The following ZFAND3 variants were observed in gnomAD, a reference collection of about 807,000 sequenced individuals.
The protein encoded by ZFAND3 is zinc finger AN1-type containing 3, also known as AN1-type zinc finger protein 3.
ZFAND3 carries 10 observed loss-of-function variants against 29.6 expected under a neutral mutation model. The ratio of observed to expected loss-of-function variants is 0.34; its 90% CI spans 0.21 to 0.57. ZFAND3 has a LOEUF of 0.57. Among genes scored for constraint, ZFAND3 ranks in the 20% least tolerant of loss-of-function variants. ZFAND3 has a pLI of 0.86. For synonymous variants in ZFAND3, 128 were observed against 112.6 expected (o/e 1.14, Z -0.87); for missense variants, 230 against 304.5 (o/e 0.76, Z 1.82).
intron 3 of ZFAND3, among the ~76,000 whole-genome samples, chr6:38,070,413 T>TAA (rs377285632): frequency 6.7e-4 from 73 of 109,020 alleles, no homozygotes; most frequent in African/African-American, 2.0e-3. Flanking sequence ...AAACTTAGTC[T>TAA]AAAAAAAAAA....
Position 37,819,830 on chromosome 6 carries a change from T to TGC in ZFAND3, c.-116_-115insGC. 6.0e-5 allele frequency: 31 copies of TGC among 519,842 alleles called. No individual in the cohort carries two copies. The highest frequency in any genetic ancestry group is 7.5e-5 in the Non-Finnish European group (29 of 385,686). The allele number at this position is 519,842 out of a possible 1,614,324, so 32.2% of individuals were successfully genotyped here. A position where few individuals can be genotyped will look rare whatever the true frequency, so the allele number is the denominator to read the frequency against. On this transcript the variant is annotated 5_prime_UTR_variant, in exon 1 of 6. Transcript: ENST00000287218. ...CGCGCCCGCCCGCGCGCCCGCTCCTTCCCCCTCCCCCCGCCCCGAGCCCCC... is the reference window on the plus strand; with the variant it reads ...CGCGCCCGCCCGCGCGCCCGCTCCTTGCCCCCCTCCCCCCGCCCCGAGCCCCC...
At chr6:37,911,769 A>G (rs1765525271) in intron 1 of ZFAND3, among the ~76,000 whole-genome samples, 1 of 152,228 alleles carries the variant, frequency 6.6e-6, no homozygotes, top group African/African-American at 2.4e-5. Context: ...TTAGACATTC[A>G]GTTCAACAGG....
At chr6:37,949,637 G>A (rs1761963206) in intron 2 of ZFAND3, among the ~76,000 whole-genome samples, 1 of 152,128 alleles carries the variant, frequency 6.6e-6, no homozygotes, top group African/African-American at 2.4e-5. Context: ...CTTTGGGTTC[G>A]ATTAATTTGT....
chr6:37,888,282 GC>G (rs1054653775), intron 1 of ZFAND3, among the ~76,000 whole-genome samples: 3 of 152,112 alleles, frequency 2.0e-5, no homozygotes, highest in Admixed American at 6.5e-5. Context: ...AACCAGACTT[GC>G]AAGTTTGAAT....
chr6:37,819,730 C>T lies in ZFAND3; in HGVS notation c.-216C>T, dbSNP rs1302529918. ...TCTCTCCGCGCCTCTCCGCCCCCTC[C>T]CCGTCTCCGCAGGCCGAGTGGTGCG... On this transcript the variant is annotated 5_prime_UTR_variant, in exon 1 of 6. Coordinates refer to ENST00000287218, the MANE Select transcript of ZFAND3 (RefSeq NM_021943.3). 5.4e-5 allele frequency: 11 copies of T among 204,766 alleles called. No homozygotes were observed. In the East Asian group the frequency reaches 1.4e-3, roughly 27 times the overall value. The allele number at this position is 204,766 out of a possible 1,614,324, so 12.7% of individuals were successfully genotyped here.
chr6:37,897,232 G>T (rs950569257), intron 1 of ZFAND3, among the ~76,000 whole-genome samples: 2 of 152,078 alleles, frequency 1.3e-5, no homozygotes, highest in Admixed American at 1.3e-4. Context: ...CTATTATTTT[G>T]ATCTCTATCA....
intron 2 of ZFAND3, among the ~76,000 whole-genome samples, chr6:37,987,923 A>C (rs1308425983): frequency 1.1e-4 from 16 of 152,180 alleles, no homozygotes; most frequent in Admixed American, 9.2e-4. Context: ...GCTCTTTTGA[A>C]TAGATTTAGT....
intron 5 of ZFAND3, among the ~76,000 whole-genome samples, chr6:38,129,245 T>G (rs944249375): frequency 1.3e-5 from 2 of 152,228 alleles, no homozygotes; most frequent in Non-Finnish European, 2.9e-5. Context: ...GATGTATAGA[T>G]TGTAAAGATT....
At chr6:38,092,109 G>A (rs1388272591) in intron 4 of ZFAND3, among the ~76,000 whole-genome samples, 1 of 152,138 alleles carries the variant, frequency 6.6e-6, no homozygotes, top group Non-Finnish European at 1.5e-5. Context: ...CACCCCCCTC[G>A]AGAAGGATCT....
intron 4 of ZFAND3, among the ~76,000 whole-genome samples, chr6:38,096,830 A>G (rs1764989906): frequency 6.6e-6 from 1 of 151,510 alleles, no homozygotes; most frequent in African/African-American, 2.4e-5. Context: ...TTCTCTGAAG[A>G]TTTTTTTTCG....
chr6:38,050,343 C>G (rs973658074), intron 2 of ZFAND3, among the ~76,000 whole-genome samples: 30 of 152,026 alleles, frequency 2.0e-4, no homozygotes, highest in African/African-American at 7.2e-4. Context: ...CTCCTGGGCT[C>G]AAGCAATCCT....
At chr6:37,851,820 A>G (rs939825745) in intron 1 of ZFAND3, among the ~76,000 whole-genome samples, 1 of 152,156 alleles carries the variant, frequency 6.6e-6, no homozygotes, top group Non-Finnish European at 1.5e-5. Context: ...GGTGCACAGA[A>G]ATTTGACCAG....
chr6:37,954,022 T>G (rs1762044364), intron 2 of ZFAND3, among the ~76,000 whole-genome samples: 4 of 152,210 alleles, frequency 2.6e-5, no homozygotes, highest in Admixed American at 2.6e-4. Flanking sequence ...GCTTTTCTTC[T>G]TTAGTATTTT....
At chr6:38,113,446 T>C (rs924297001) in intron 4 of ZFAND3, among the ~76,000 whole-genome samples, 2 of 152,214 alleles carry the variant, frequency 1.3e-5, no homozygotes, top group African/African-American at 4.8e-5. Flanking sequence ...CAGTGGTCTT[T>C]ATATTAATGT....
chr6:37,880,294 G>A (rs1764868008), intron 1 of ZFAND3, among the ~76,000 whole-genome samples: 1 of 152,196 alleles, frequency 6.6e-6, no homozygotes, highest in South Asian at 2.1e-4. Flanking sequence ...TTATCCTATT[G>A]TGTCAGCAGG....
At chr6:37,964,363 A>G (rs1474419179) in intron 2 of ZFAND3, among the ~76,000 whole-genome samples, 1 of 152,172 alleles carries the variant, frequency 6.6e-6, no homozygotes, top group Non-Finnish European at 1.5e-5. Flanking sequence ...CTCTTGGGGA[A>G]AATGTGAACT....
At chr6:37,859,370 T>G (rs1247899832) in intron 1 of ZFAND3, among the ~76,000 whole-genome samples, 1 of 152,378 alleles carries the variant, frequency 6.6e-6, no homozygotes, top group Non-Finnish European at 1.5e-5. Flanking sequence ...TTTGGCAATT[T>G]GGACTTGGCC....
At chr6:37,900,799 A>G (rs990702798) in intron 1 of ZFAND3, among the ~76,000 whole-genome samples, 4 of 152,306 alleles carry the variant, frequency 2.6e-5, no homozygotes, top group South Asian at 4.1e-4. Context: ...TTTAATTGTA[A>G]ATAATAAAAA....
At chr6:37,837,772 C>T (rs1385796958) in intron 1 of ZFAND3, among the ~76,000 whole-genome samples, 1 of 152,170 alleles carries the variant, frequency 6.6e-6, no homozygotes, top group Non-Finnish European at 1.5e-5. Flanking sequence ...TCCCAAAGTG[C>T]TGGGATTACA....
Sources: gnomAD v4.1 joint callset for allele counts (sites outside exome capture counted in the v4.1 genomes callset) on GRCh38, gnomAD v4.1.1 for gene constraint, MANE v1.5 for transcripts, NCBI Gene and HGNC (gene_info 2026-07-23, HGNC 2026-07-21) for gene names.